The following BRINP2 variants were observed in gnomAD, a reference collection of about 807,000 sequenced individuals.
The protein encoded by BRINP2 is BMP/retinoic acid-inducible neural-specific protein 2.
BRINP2 carries 21 observed loss-of-function variants against 69.2 expected under a neutral mutation model. That is an observed-to-expected ratio of 0.30 (90% CI 0.22 to 0.44). The LOEUF is 0.44. BRINP2 is among the 20% of genes least tolerant of loss of function. The pLI is 1.00. For synonymous variants in BRINP2, 380 were observed against 394.1 expected, an observed-to-expected ratio of 0.96 and a Z score of 0.42; for missense variants, 877 against 986.0, an observed-to-expected ratio of 0.89 and a Z score of 1.48.
At chr1:177,271,328 A>T in intron 4 of BRINP2, among the ~76,000 whole-genome samples, 1 of 152,204 alleles carries the variant, frequency 6.6e-6, no homozygotes, top group East Asian at 1.9e-4. Flanking sequence ...CAATGTTAAC[A>T]TTCTGAGGAG....
intron 2 of BRINP2, among the ~76,000 whole-genome samples, chr1:177,236,918 T>TAAAA (rs59673685): frequency 8.6e-6 from 1 of 116,108 alleles, no homozygotes. Context: ...AGGGTGCAAC[T>TAAAA]AAAAAAAAAA....
In BRINP2 at chr1:177,182,172, C is replaced by T. The variant is rs571092280; in HGVS notation, c.-77+10440C>T. On this transcript the variant is annotated intron_variant, in intron 1 of 7. Coordinates refer to ENST00000361539, the MANE Select transcript of BRINP2 (RefSeq NM_021165.4). ...ACCCCTCCCATCCTCCCTTAGCTCCCTCACTCAGCCTCACTCAGCCCCTGC... is the reference window on the plus strand; with the variant it reads ...ACCCCTCCCATCCTCCCTTAGCTCCTTCACTCAGCCTCACTCAGCCCCTGC... Among the ~76,000 whole-genome samples the T allele has an allele frequency of 4.7e-5, 7 of 148,694 alleles. No individual in the cohort carries two copies. The South Asian group carries it at 8.8e-4, about 19-fold the overall frequency.
chr1:177,179,533 C>G (rs1648187428), intron 1 of BRINP2, among the ~76,000 whole-genome samples: 1 of 151,510 alleles, frequency 6.6e-6, no homozygotes, highest in Non-Finnish European at 1.5e-5. Flanking sequence ...AGAAGGTGTC[C>G]AGTATGCTGC....
chr1:177,224,629 C>T (rs1219608903), intron 1 of BRINP2, among the ~76,000 whole-genome samples: 1 of 151,586 alleles, frequency 6.6e-6, no homozygotes, highest in African/African-American at 2.4e-5. Context: ...ATAACTGATG[C>T]TGTGAGGTAT....
At chr1:177,189,587 C>G (rs910804356) in intron 1 of BRINP2, among the ~76,000 whole-genome samples, 4 of 152,228 alleles carry the variant, frequency 2.6e-5, no homozygotes, top group African/African-American at 9.6e-5. Flanking sequence ...TTAACACAGA[C>G]TTACCCTGTC....
intron 4 of BRINP2, among the ~76,000 whole-genome samples, chr1:177,258,191 T>C (rs1461934825): frequency 6.6e-6 from 1 of 152,222 alleles, no homozygotes; most frequent in African/African-American, 2.4e-5. Flanking sequence ...AGGTTTCTAG[T>C]AAAGTTCATG....
intron 1 of BRINP2, among the ~76,000 whole-genome samples, chr1:177,213,570 GA>G (rs1649288595): frequency 6.6e-6 from 1 of 152,156 alleles, no homozygotes; most frequent in South Asian, 2.1e-4. Context: ...AGAATTGACT[GA>G]AAACCACTGA....
chr1:177,232,411 G>A (rs1007350016), intron 2 of BRINP2, among the ~76,000 whole-genome samples: 2 of 152,208 alleles, frequency 1.3e-5, no homozygotes, highest in Admixed American at 1.3e-4. Context: ...GTTTCTCTGG[G>A]GTCAGTTATT....
intron 1 of BRINP2, among the ~76,000 whole-genome samples, chr1:177,177,406 C>T (rs1321681589): frequency 1.3e-5 from 2 of 152,136 alleles, no homozygotes; most frequent in African/African-American, 4.8e-5. Context: ...AATATTATAA[C>T]TCATTCATTG....
intron 1 of BRINP2, among the ~76,000 whole-genome samples, chr1:177,218,255 G>T (rs1558163608): frequency 6.6e-6 from 1 of 152,030 alleles, no homozygotes; most frequent in East Asian, 1.9e-4. Flanking sequence ...GAAATTTGCT[G>T]CAGGGGGTCT....
At chr1:177,217,611 G>A (rs1296657912) in intron 1 of BRINP2, among the ~76,000 whole-genome samples, 2 of 152,172 alleles carry the variant, frequency 1.3e-5, no homozygotes, top group Non-Finnish European at 2.9e-5. Flanking sequence ...TGTGGAGACA[G>A]ACAACTTTTC....
intron 1 of BRINP2, among the ~76,000 whole-genome samples, chr1:177,220,596 T>C (rs1486818629): frequency 2.0e-5 from 3 of 152,194 alleles, no homozygotes; most frequent in African/African-American, 4.8e-5. Context: ...CATGAGCCAA[T>C]CAAACCCTTT....
intron 4 of BRINP2, among the ~76,000 whole-genome samples, chr1:177,262,188 G>A (rs1021004222): frequency 7.9e-5 from 12 of 152,144 alleles, no homozygotes; most frequent in Non-Finnish European, 1.5e-4. Flanking sequence ...TTTAAGATGG[G>A]AGCTGTTCCA....
At chr1:177,214,043 G>T (rs1649302549) in intron 1 of BRINP2, among the ~76,000 whole-genome samples, 1 of 151,992 alleles carries the variant, frequency 6.6e-6, no homozygotes, top group Admixed American at 6.5e-5. Context: ...TCTATGGGGG[G>T]GCTCTTAATT....
intron 4 of BRINP2, among the ~76,000 whole-genome samples, chr1:177,268,611 G>A (rs1213634608): frequency 6.6e-6 from 1 of 152,098 alleles, no homozygotes; most frequent in African/African-American, 2.4e-5. Flanking sequence ...CTGTTGGAAG[G>A]TTTACCCAAA....
intron 1 of BRINP2, among the ~76,000 whole-genome samples, chr1:177,182,432 A>T (rs2102290122): frequency 1.3e-5 from 2 of 152,186 alleles, no homozygotes; most frequent in Admixed American, 1.3e-4. Flanking sequence ...GTTGAGAGGA[A>T]TTGTAGGCCC....
chr1:177,245,567 A>C (rs901037638), intron 2 of BRINP2, among the ~76,000 whole-genome samples: 19 of 152,232 alleles, frequency 1.2e-4, no homozygotes, highest in African/African-American at 4.3e-4. Flanking sequence ...AAAGACAAGC[A>C]CAATGGGAGG....
intron 4 of BRINP2, among the ~76,000 whole-genome samples, chr1:177,261,147 G>T (rs1415036059): frequency 6.6e-6 from 1 of 151,816 alleles, no homozygotes. Context: ...TATGATCCAG[G>T]ACCACCAAGA....
chr1:177,210,350 C>T (rs72720768), intron 1 of BRINP2, among the ~76,000 whole-genome samples: 3,182 of 152,172 alleles, frequency 0.021, 63 homozygotes, highest in South Asian at 0.061. Context: ...GGAGCCAGGC[C>T]CTCTGATTCC....
Sources: gnomAD v4.1 joint callset for allele counts (sites outside exome capture counted in the v4.1 genomes callset) on GRCh38, gnomAD v4.1.1 for gene constraint, MANE v1.5 for transcripts, NCBI Gene and HGNC (gene_info 2026-07-23, HGNC 2026-07-21) for gene names.